The following EP400 variants were observed in gnomAD, a reference collection of about 807,000 sequenced individuals.
EP400 encodes E1A binding protein p400.
EP400 carries 105 observed loss-of-function variants against 354.1 expected under a neutral mutation model. That is an observed-to-expected ratio of 0.30 (90% confidence interval 0.25 to 0.35). EP400 has a LOEUF of 0.35. EP400 is among the 10% of genes least tolerant of loss of function. The pLI is 1.00. For synonymous variants in EP400, 1,646 were observed against 1,716.9 expected, an observed-to-expected ratio of 0.96 and a Z score of 1.02; for missense variants, 3,280 against 4,121.0, an observed-to-expected ratio of 0.80 and a Z score of 5.59.
At chr12:132,007,436 A>C (rs1004926105) in intron 15 of EP400, among the ~76,000 whole-genome samples, 16 of 152,076 alleles carry the variant, frequency 1.1e-4, no homozygotes, top group Admixed American at 8.5e-4. Context: ...CTGGCTCTTC[A>C]CCCTCCTGAC....
rs772431201 is a variant in EP400, at chr12:131,960,950, C to T, written c.331C>T (p.Arg111Trp). The change falls in exon 2 of 53, where the codon CGG becomes TGG. Residue 111 changes from arginine to tryptophan, a missense_variant. Around this residue, in one of 20 missense-constraint regions of EP400, gnomAD observed 172 missense variants for 242.9 expected, o/e 0.71. Transcript: ENST00000389561. ...SPGFQFSAQP[R>W]RFEHGSPSYI... ...AGGCTTCCAGTTCAGCGCTCAGCCTCGGCGGTTTGAGCATGGGTCTCCATC... is the reference window on the plus strand; with the variant it reads ...AGGCTTCCAGTTCAGCGCTCAGCCTTGGCGGTTTGAGCATGGGTCTCCATC... 14 of 1,612,396 alleles carry T rather than the reference C, an allele frequency of 8.7e-6. No individual in the cohort carries two copies. Among genetic ancestry groups the T allele is most frequent in the East Asian group, 2.2e-5 (1 of 44,778 alleles).
intron 2 of EP400, among the ~76,000 whole-genome samples, chr12:131,976,317 T>C (rs757901091): frequency 2.0e-5 from 3 of 152,168 alleles, no homozygotes; most frequent in Non-Finnish European, 4.4e-5. Flanking sequence ...TAAGTTTGAA[T>C]TGGATTTTGT....
intron 1 of EP400, among the ~76,000 whole-genome samples, chr12:131,959,859 T>C (rs1360107608): frequency 1.3e-5 from 2 of 152,216 alleles, no homozygotes; most frequent in African/African-American, 4.8e-5. Flanking sequence ...GTCTTACCCG[T>C]GTCTGTCTCT....
intron 51 of EP400, 63 bp from the exon 52 acceptor site, chr12:132,076,453 A>G: frequency 6.5e-7 from 1 of 1,543,226 alleles, no homozygotes; most frequent in Non-Finnish European, 8.9e-7. Flanking sequence ...AAGGGAGGAA[A>G]AATCTCTTTT....
At chr12:132,069,296 G>T in intron 50 of EP400, 199 bp from the exon 51 acceptor site, 1 of 677,060 alleles carries the variant, frequency 1.5e-6, no homozygotes, top group Non-Finnish European at 2.3e-6. Context: ...TGGCGGCCAT[G>T]CCGCATGGGC....
At chr12:131,998,703 T>A (rs1893298191) in intron 12 of EP400, among the ~76,000 whole-genome samples, 2 of 104,122 alleles carry the variant, frequency 1.9e-5, no homozygotes, top group East Asian at 3.5e-4. Flanking sequence ...TTGTATACAG[T>A]CTTGTATACA....
At chr12:132,055,620 G>C (rs542449528) in intron 45 of EP400, among the ~76,000 whole-genome samples, 1 of 136,806 alleles carries the variant, frequency 7.3e-6, no homozygotes, top group Non-Finnish European at 1.6e-5. Flanking sequence ...GAGGTGTAGG[G>C]GTTGTGTGTG....
chr12:132,073,004 G>T (rs372619382), intron 51 of EP400, among the ~76,000 whole-genome samples: 1 of 152,108 alleles, frequency 6.6e-6, no homozygotes, highest in Non-Finnish European at 1.5e-5. Flanking sequence ...GCCATTCTCT[G>T]TGTGTCCCTC....
In EP400 at chr12:132,013,270, A is replaced by C; in HGVS notation, c.3611+92A>C. On this transcript the variant is annotated intron_variant, in intron 17 of 52. Transcript: ENST00000389561. This position sits in a 1 kb window ranked among gnomAD's most constrained non-coding sequence, Gnocchi z 4.5. ...ATCTGCATAATTGCAGACACAAACA[A>C]TGGCCTTTGAGCTAGAGAATTGCTT... 1 of 1,475,258 alleles carries C rather than the reference A, an allele frequency of 6.8e-7. No homozygotes were observed. Among genetic ancestry groups the C allele is most frequent in the Non-Finnish European group, 9.1e-7 (1 of 1,102,430 alleles). The allele number at this position is 1,475,258 out of a possible 1,614,324, so 91.4% of individuals were successfully genotyped here.
rs1896216402 is a variant in EP400, at chr12:132,075,792, G to A, written c.9022-724G>A. 2 of 152,662 alleles carry A rather than the reference G, an allele frequency of 1.3e-5. No individual in the cohort carries two copies. The highest frequency in any genetic ancestry group is 6.5e-5 in the Admixed American group (1 of 15,378). 9.5% of individuals were successfully genotyped at this position (152,662 alleles called of 1,614,324 possible). ...GTAACAGGACCCAGCAAGAGACCAG[G>A]GTCCGTGAGGGCCTTGTGCAGGGAG... On this transcript the variant is annotated intron_variant, in intron 51 of 52. Coordinates refer to ENST00000389561, the MANE Select transcript of EP400 (RefSeq NM_015409.5). The surrounding 1 kb of genome is among the most constrained non-coding windows in gnomAD (Gnocchi z 4.5).
intron 10 of EP400, 59 bp from the exon 11 acceptor site, chr12:131,992,114 G>C: frequency 1.9e-6 from 3 of 1,572,482 alleles, no homozygotes; most frequent in Non-Finnish European, 2.6e-6. Context: ...CTGCTGTCTT[G>C]GTTTCCCATT....
chr12:132,033,013 T>C (rs1198576654), intron 30 of EP400, among the ~76,000 whole-genome samples: 1 of 152,150 alleles, frequency 6.6e-6, no homozygotes, highest in Non-Finnish European at 1.5e-5. Flanking sequence ...AATGGCGTGA[T>C]CCTGGTTCAC....
chr12:132,048,739 TA>T (rs1341957472), intron 39 of EP400, among the ~76,000 whole-genome samples: 1 of 152,102 alleles, frequency 6.6e-6, no homozygotes, highest in Non-Finnish European at 1.5e-5. Context: ...AGGAATGCCC[TA>T]AATTTCACCA....
At chr12:131,950,231 G>A (rs1360408305) in intron 1 of EP400, among the ~76,000 whole-genome samples, 195 bp downstream of exon 1, 2 of 152,014 alleles carry the variant, frequency 1.3e-5, no homozygotes, top group African/African-American at 4.8e-5. Context: ...GGGCTCACGG[G>A]CCCGGGTCTT....
At chr12:132,058,809 G>A (rs971411320) in intron 45 of EP400, among the ~76,000 whole-genome samples, 1 of 145,046 alleles carries the variant, frequency 6.9e-6, no homozygotes, top group Non-Finnish European at 1.5e-5. Flanking sequence ...TTTTTTTTGC[G>A]ACAGCATCTT....
intron 1 of EP400, among the ~76,000 whole-genome samples, chr12:131,953,784 T>C (rs1406807890): frequency 1.3e-5 from 2 of 152,196 alleles, no homozygotes; most frequent in Non-Finnish European, 2.9e-5. Flanking sequence ...TAACATTTAT[T>C]ATGAAAAATT....
rs561398509 is a variant in EP400 at position 132,062,593 on chromosome 12, A to ACAG, written c.8238_8240dup (p.Gln2748dup). On this transcript the variant is annotated inframe_insertion, in exon 47 of 53. Coordinates refer to ENST00000389561, the MANE Select transcript of EP400 (RefSeq NM_015409.5). ...AGCAGCAGCAGCAGCAGCAGCAGCA[A>ACAG]CAGCAGCAGCAGCAACAGACGACGA... The ACAG allele has an allele frequency of 6.8e-4, 830 of 1,212,596 alleles. 5 individuals carry two copies. The African/African-American group carries it at 0.011, about 16-fold the overall frequency. 75.1% of individuals were successfully genotyped at this position (1,212,596 alleles called of 1,614,324 possible).
chr12:131,975,442 G>A (rs774967061), intron 2 of EP400, among the ~76,000 whole-genome samples: 1 of 152,200 alleles, frequency 6.6e-6, no homozygotes, highest in African/African-American at 2.4e-5. Flanking sequence ...CCTTACGCCA[G>A]CGCTGCACTG....
rs140182308 is a variant in EP400, at chr12:132,048,444, A to G, written c.7201-1879A>G. ...GGGGTCCCTGACTTCCTGCAACAAT[A>G]TTGTCTTCTTTTATAGCTGATTTAT... On this transcript the variant is annotated intron_variant, in intron 39 of 52. Coordinates refer to ENST00000389561, the MANE Select transcript of EP400 (RefSeq NM_015409.5). Among the ~76,000 whole-genome samples, 23 of 151,412 alleles carry G rather than the reference A, an allele frequency of 1.5e-4. No homozygotes were observed. In the East Asian group the frequency reaches 4.3e-3, roughly 28 times the overall value.
Sources: gnomAD v4.1 joint callset for allele counts (sites outside exome capture counted in the v4.1 genomes callset) on GRCh38, gnomAD v4.1.1 for gene constraint, gnomAD v4.1.1 regional missense constraint, Gnocchi (gnomAD v3.1) non-coding constraint, MANE v1.5 for transcripts, NCBI Gene and HGNC (gene_info 2026-07-23, HGNC 2026-07-21) for gene names.